RHCE: variants seen among roughly 807,000 people sequenced by gnomAD.
The protein encoded by RHCE is Rh blood group CcEe antigens.
In RHCE, 22 loss-of-function variants were observed where a neutral mutation model predicts 43.8. The ratio of observed to expected loss-of-function variants is 0.50; its 90% confidence interval spans 0.36 to 0.72. The LOEUF is 0.72. RHCE is among the 30% of genes least tolerant of loss of function. The pLI, the probability that RHCE is intolerant of heterozygous loss-of-function variation, is 0.00. For synonymous variants in RHCE, 156 were observed against 210.7 expected, an observed-to-expected ratio of 0.74 and a Z score of 2.25; for missense variants, 385 against 525.4, an observed-to-expected ratio of 0.73 and a Z score of 2.61.
chr1:25,373,004 TA>T (rs1217092420), intron 8 of RHCE, among the ~76,000 whole-genome samples: 10,683 of 151,392 alleles, frequency 0.071, 1,409 homozygotes, highest in African/African-American at 0.24. Context: ...GGTCTCACTA[TA>T]GGATTGCCCT....
chr1:25,411,564 G>A (rs1373413341), intron 1 of RHCE: 7 of 1,136,430 alleles, frequency 6.2e-6, no homozygotes, highest in South Asian at 3.7e-5. Flanking sequence ...GGACCTCCAC[G>A]GGACCTGGGG....
chr1:25,426,405 G>C lies in RHCE; in HGVS notation c.-40+2548C>G, dbSNP rs182057254. On this transcript the variant is annotated intron_variant, in intron 2 of 11. Coordinates refer to the RHCE transcript ENST00000349320. Reference sequence around the variant, plus strand: ...ATATCATAAGCAGTTTCCAAGCCAGGAAAATCTTTCTACAACAATATAACA... The same window carrying C: ...ATATCATAAGCAGTTTCCAAGCCAGCAAAATCTTTCTACAACAATATAACA... Among the ~76,000 whole-genome samples, 391 of 152,274 alleles carry C rather than the reference G, an allele frequency of 2.6e-3. 3 individuals are homozygous for C. Among genetic ancestry groups the C allele is most frequent in the African/African-American group, 9.1e-3 (378 of 41,554 alleles).
At chr1:25,417,250 CA>C (rs1299867112) in intron 1 of RHCE, among the ~76,000 whole-genome samples, 1 of 151,792 alleles carries the variant, frequency 6.6e-6, no homozygotes, top group East Asian at 1.9e-4. Context: ...CTGATTGTCT[CA>C]AAATGTCTTT....
chr1:25,368,592 C>T (rs2124290245), intron 9 of RHCE, among the ~76,000 whole-genome samples: 1 of 151,218 alleles, frequency 6.6e-6, no homozygotes, highest in East Asian at 1.9e-4. Flanking sequence ...TTCCCCCTCC[C>T]CTTTCTAAAC....
intron 7 of RHCE, among the ~76,000 whole-genome samples, chr1:25,380,459 T>A (rs921599257): frequency 6.6e-6 from 1 of 151,572 alleles, no homozygotes; most frequent in African/African-American, 2.4e-5. Flanking sequence ...CATTCTGGGG[T>A]CTTGGCGGTG....
chr1:25,397,111 CAAAA>C (rs151106139), intron 3 of RHCE, among the ~76,000 whole-genome samples: 2 of 58,046 alleles, frequency 3.4e-5, no homozygotes, highest in Non-Finnish European at 2.9e-5. Flanking sequence ...GACTCTGTCT[CAAAA>C]AAAAAAAAAA....
At chr1:25,399,775 T>C (rs1646674632) in intron 3 of RHCE, among the ~76,000 whole-genome samples, 1 of 152,146 alleles carries the variant, frequency 6.6e-6, no homozygotes, top group South Asian at 2.1e-4. Context: ...GGAGTGCTTC[T>C]GAAGATACAG....
At position 25,408,040 on chromosome 1, in the gene RHCE, C is replaced by A. The variant is rs1442981855; in HGVS notation, c.335+643G>T. Reference sequence around the variant, plus strand: ...CGGTGGCTCATGCCTGTAATCCCAGCACTTTGGGAGGCCGAGGCAGGCCGG... The same window carrying A: ...CGGTGGCTCATGCCTGTAATCCCAGAACTTTGGGAGGCCGAGGCAGGCCGG... On this transcript the variant is annotated intron_variant, in intron 2 of 9. Coordinates refer to ENST00000294413, the MANE Select transcript of RHCE (RefSeq NM_020485.8). 4.0e-5 allele frequency among the ~76,000 whole-genome samples: 5 copies of A among 123,664 alleles called. 2 individuals carry two copies. The highest frequency in any genetic ancestry group is 7.4e-5 in the Non-Finnish European group (4 of 54,178). The allele number at this position is 123,664 out of a possible 152,430, so 81.1% of individuals were successfully genotyped here.
chr1:25,379,842 CTTTTTA>C (rs1557606046), intron 7 of RHCE, among the ~76,000 whole-genome samples: 1 of 151,990 alleles, frequency 6.6e-6, no homozygotes, highest in East Asian at 1.9e-4. Flanking sequence ...ACCTGGCTAA[CTTTTTA>C]TTTTTATTTT....
At chr1:25,430,148 G>A (rs572274189) in exon 1 of RHCE, 36 of 152,044 alleles carry the variant, frequency 2.4e-4, no homozygotes, top group African/African-American at 7.2e-4. Context: ...TGCCCAGCCT[G>A]TGGACGTGGA....
chr1:25,397,049 T>C (rs1422150603), intron 3 of RHCE, among the ~76,000 whole-genome samples: 1 of 138,646 alleles, frequency 7.2e-6, no homozygotes, highest in Non-Finnish European at 1.5e-5. Flanking sequence ...GAGGCGGAGG[T>C]TGCAGTGAGC....
chr1:25,410,317 G>A (rs1647032559), intron 1 of RHCE, among the ~76,000 whole-genome samples: 1 of 152,138 alleles, frequency 6.6e-6, no homozygotes, highest in Admixed American at 6.5e-5. Flanking sequence ...TAAATGACTG[G>A]AGAGAGAGAA....
chr1:25,397,496 T>TC (rs1646587242), intron 3 of RHCE, among the ~76,000 whole-genome samples: 3 of 136,304 alleles, frequency 2.2e-5, no homozygotes, highest in Non-Finnish European at 4.9e-5. Flanking sequence ...AAACTCCATC[T>TC]GAAAAAAAAA....
chr1:25,420,156 T>C (rs1435537455), intron 1 of RHCE, among the ~76,000 whole-genome samples: 1 of 151,968 alleles, frequency 6.6e-6, no homozygotes, highest in East Asian at 1.9e-4. Flanking sequence ...CACTTCAGCC[T>C]GGGCAACAGA....
rs568585954 is a variant in RHCE at position 25,408,013 on chromosome 1, C to A, written c.335+670G>T. 4.8e-5 allele frequency among the ~76,000 whole-genome samples: 6 copies of A among 123,732 alleles called. 1 individual carries two copies. Among genetic ancestry groups the A allele is most frequent in the African/African-American group, 1.5e-4 (6 of 39,906 alleles). 81.2% of individuals were successfully genotyped at this position (123,732 alleles called of 152,430 possible). On this transcript the variant is annotated intron_variant, in intron 2 of 9. Coordinates refer to ENST00000294413, the MANE Select transcript of RHCE (RefSeq NM_020485.8). ...TCAAGAGAATGTCTCTCAGGCTGGA[C>A]GCGGTGGCTCATGCCTGTAATCCCA...
At chr1:25,393,863 G>T (rs1011213990) in intron 3 of RHCE, among the ~76,000 whole-genome samples, 3 of 152,044 alleles carry the variant, frequency 2.0e-5, no homozygotes, top group Admixed American at 2.0e-4. Context: ...CCCAGCCAGG[G>T]TGTAACAAGG....
intron 3 of RHCE, among the ~76,000 whole-genome samples, chr1:25,399,365 G>T (rs1571887854): frequency 6.6e-6 from 1 of 152,226 alleles, no homozygotes; most frequent in South Asian, 2.1e-4. Context: ...TGAGGAAAAG[G>T]TTTGAGAGGA....
chr1:25,420,832 C>A (rs1257843028), upstream of RHCE: 5 of 1,591,742 alleles, frequency 3.1e-6, no homozygotes, highest in African/African-American at 6.7e-5. Flanking sequence ...CCAGGCATCA[C>A]CCCTCTCTCC....
At chr1:25,368,183 GT>G (rs1439021995) in intron 9 of RHCE, among the ~76,000 whole-genome samples, 1 of 139,558 alleles carries the variant, frequency 7.2e-6, no homozygotes. Flanking sequence ...ATATACTTTT[GT>G]GATACCCTAA....
Sources: allele counts gnomAD v4.1 joint callset (sites outside exome capture counted in the v4.1 genomes callset), GRCh38; gene constraint gnomAD v4.1.1; transcripts MANE v1.5; gene names NCBI Gene and HGNC (gene_info 2026-07-23, HGNC 2026-07-21).